Variants in TRIO observed in about 807,000 individuals in gnomAD.
TRIO encodes the protein trio Rho guanine nucleotide exchange factor.
TRIO carries 58 observed loss-of-function variants against 351.9 expected under a neutral mutation model. The observed-to-expected ratio is 0.16, with a 90% CI of 0.13 to 0.21. TRIO has a LOEUF of 0.21. Ranked by LOEUF, TRIO falls within the 10% of genes least tolerant of loss-of-function variation. The pLI is 1.00. For synonymous variants in TRIO, 1,758 were observed against 1,595.7 expected (o/e 1.10, Z -2.42); for missense variants, 3,201 against 4,027.8 (o/e 0.79, Z 5.56).
At chr5:14,475,075 C>G (rs537376516) in intron 40 of TRIO, among the ~76,000 whole-genome samples, 5 of 152,340 alleles carry the variant, frequency 3.3e-5, no homozygotes, top group South Asian at 4.1e-4. Context: ...GGCAATCCAT[C>G]TGGGGGCTGG....
intron 8 of TRIO, among the ~76,000 whole-genome samples, chr5:14,312,931 C>A (rs913087302): frequency 6.6e-6 from 1 of 152,192 alleles, no homozygotes; most frequent in African/African-American, 2.4e-5. Context: ...ACTGTAATTA[C>A]AAAGACTAAG....
At chr5:14,174,768 C>T (rs939463673) in intron 1 of TRIO, among the ~76,000 whole-genome samples, 2 of 152,116 alleles carry the variant, frequency 1.3e-5, no homozygotes, top group South Asian at 2.1e-4. Context: ...ACAGTCGAGA[C>T]CTATGAATTT....
At chr5:14,506,541 C>G (rs1579862441) in intron 55 of TRIO, among the ~76,000 whole-genome samples, 2 of 152,242 alleles carry the variant, frequency 1.3e-5, no homozygotes, top group African/African-American at 4.8e-5. Context: ...GCCCACTTCA[C>G]AGAGAGTCAT....
At position 14,487,356 on chromosome 5, in the gene TRIO, A is replaced by G. The variant is rs138792939; in HGVS notation, c.6836-108A>G. The G allele has an allele frequency of 6.7e-3, 7,128 of 1,059,878 alleles. 32 individuals are homozygous for G. The highest frequency in any genetic ancestry group is 7.6e-3 in the Non-Finnish European group (6,515 of 861,206). The allele number at this position is 1,059,878 out of a possible 1,614,324, so 65.7% of individuals were successfully genotyped here. A position where few individuals can be genotyped will look rare whatever the true frequency, so the allele number is the denominator to read the frequency against. ...GGGTGGGGTTGCTCTGCGCCCCTGC[A>G]CGGGGTCTGCCCCATGACCCATCCC... On this transcript the variant is annotated intron_variant, in intron 47 of 56. Transcript: ENST00000344204.
At chr5:14,479,043 T>C (rs1407126164) in intron 41 of TRIO, among the ~76,000 whole-genome samples, 1 of 152,060 alleles carries the variant, frequency 6.6e-6, no homozygotes, top group Non-Finnish European at 1.5e-5. Flanking sequence ...AAGGGTTTGG[T>C]GTGTATGGAG....
intron 15 of TRIO, among the ~76,000 whole-genome samples, 195 bp downstream of exon 15, chr5:14,365,011 G>GAT (rs1744474707): frequency 6.6e-6 from 1 of 152,198 alleles, no homozygotes; most frequent in Non-Finnish European, 1.5e-5. Context: ...GTGTGAAAAG[G>GAT]GAGCCAGTGG....
chr5:14,440,342 CAG>C (rs1751923781), intron 34 of TRIO, among the ~76,000 whole-genome samples: 1 of 152,184 alleles, frequency 6.6e-6, no homozygotes, highest in South Asian at 2.1e-4. Context: ...CACCGAGGAA[CAG>C]GGGAGCGCAC....
At chr5:14,417,598 C>T (rs1749750261) in intron 33 of TRIO, among the ~76,000 whole-genome samples, 1 of 152,184 alleles carries the variant, frequency 6.6e-6, no homozygotes, top group Non-Finnish European at 1.5e-5. Flanking sequence ...TGGGCCATTT[C>T]CTCCTCCCTT....
intron 33 of TRIO, among the ~76,000 whole-genome samples, chr5:14,416,252 G>C (rs937833624): frequency 6.6e-6 from 1 of 150,924 alleles, no homozygotes; most frequent in African/African-American, 2.4e-5. Context: ...GATTTGCACT[G>C]CTTCCTCAAA....
At chr5:14,237,084 T>C (rs1219122401) in intron 1 of TRIO, among the ~76,000 whole-genome samples, 2 of 152,206 alleles carry the variant, frequency 1.3e-5, no homozygotes, top group Non-Finnish European at 2.9e-5. Context: ...GCAGGAGTTA[T>C]TTTGCTTTGG....
At chr5:14,274,059 T>C (rs1735278301) in intron 2 of TRIO, among the ~76,000 whole-genome samples, 1 of 152,180 alleles carries the variant, frequency 6.6e-6, no homozygotes. Context: ...GTAAATGTTA[T>C]AAAAAACCGC....
chr5:14,311,880 G>A (rs988317840), intron 8 of TRIO, among the ~76,000 whole-genome samples: 13 of 152,170 alleles, frequency 8.5e-5, no homozygotes, highest in Middle Eastern at 6.3e-3. Context: ...AAATGTCTTG[G>A]TGTATTTTGC....
At chr5:14,227,356 G>A (rs1793112498) in intron 1 of TRIO, among the ~76,000 whole-genome samples, 1 of 152,206 alleles carries the variant, frequency 6.6e-6, no homozygotes, top group African/African-American at 2.4e-5. Flanking sequence ...ATAAAGGACA[G>A]GGACCTCCTT....
chr5:14,198,447 TC>T (rs1313668609), intron 1 of TRIO, among the ~76,000 whole-genome samples: 1 of 152,184 alleles, frequency 6.6e-6, no homozygotes, highest in East Asian at 1.9e-4. Flanking sequence ...GATCATCTGG[TC>T]CAACCTTTTC....
chr5:14,353,263 T>C (rs1743300158), intron 11 of TRIO, among the ~76,000 whole-genome samples: 1 of 148,696 alleles, frequency 6.7e-6, no homozygotes, highest in Non-Finnish European at 1.5e-5. Flanking sequence ...TTGAAACTTC[T>C]AAGCAACTTT....
chr5:14,457,931 G>A, intron 34 of TRIO, among the ~76,000 whole-genome samples: 1 of 152,160 alleles, frequency 6.6e-6, no homozygotes, highest in East Asian at 1.9e-4. Context: ...AAATGTCTGT[G>A]AGGTTGATTT....
chr5:14,427,280 C>T (rs1487224000), intron 34 of TRIO, among the ~76,000 whole-genome samples: 2 of 152,200 alleles, frequency 1.3e-5, no homozygotes, highest in African/African-American at 4.8e-5. Flanking sequence ...ACCATCCTTC[C>T]CCCTGTGCAG....
intron 6 of TRIO, among the ~76,000 whole-genome samples, chr5:14,295,877 C>G (rs547983118): frequency 6.6e-6 from 1 of 152,172 alleles, no homozygotes; most frequent in Non-Finnish European, 1.5e-5. Context: ...AGATGCAGCC[C>G]GGAGATGTAA....
At chr5:14,417,516 C>T (rs545471091) in intron 33 of TRIO, among the ~76,000 whole-genome samples, 1 of 152,220 alleles carries the variant, frequency 6.6e-6, no homozygotes, top group African/African-American at 2.4e-5. Flanking sequence ...GGAGGATGTG[C>T]GGGCTCCTGG....
Sources: allele counts gnomAD v4.1 joint callset (sites outside exome capture counted in the v4.1 genomes callset), GRCh38; gene constraint gnomAD v4.1.1; transcripts MANE v1.5; gene names NCBI Gene and HGNC (gene_info 2026-07-23, HGNC 2026-07-21).